STK10: variants seen among roughly 807,000 people sequenced by gnomAD.
STK10 encodes serine/threonine kinase 10.
Under a neutral mutation model 113.8 loss-of-function variants are expected in STK10, and 78 were observed. The ratio of observed to expected loss-of-function variants is 0.69; its 90% CI spans 0.57 to 0.83. The LOEUF (loss-of-function observed/expected upper bound fraction) is 0.83, where lower values mean the gene tolerates loss of function less well. Among genes scored for constraint, STK10 ranks in the 40% least tolerant of loss-of-function variants. STK10 has a pLI of 0.00. For missense variants in STK10, 1,109 were observed against 1,280.1 expected (o/e 0.87, Z 2.04); for synonymous variants, 465 against 494.7 (o/e 0.94, Z 0.80).
At chr5:172,139,940 T>C (rs951661794) in intron 2 of STK10, among the ~76,000 whole-genome samples, 3 of 123,542 alleles carry the variant, frequency 2.4e-5, no homozygotes, top group Non-Finnish European at 5.1e-5. Context: ...ACAAGTGGGA[T>C]ACATCAAACT....
In STK10 at chr5:172,078,253, G is replaced by A. The variant is rs779387715; in HGVS notation, c.1989+4073C>T. 1.8e-4 allele frequency among the ~76,000 whole-genome samples: 27 copies of A among 152,300 alleles called. 1 individual carries two copies. Among genetic ancestry groups the A allele is most frequent in the Non-Finnish European group, 2.5e-4 (17 of 68,022 alleles). ...AGCCTCTCACTGGCCTCCTGCCATC[G>A]CTGTGTTACATAAGTAAACTGCAGA... is the stretch of plus-strand genomic sequence containing the variant. On this transcript the variant is annotated intron_variant, in intron 12 of 18. Coordinates refer to ENST00000176763, the MANE Select transcript of STK10 (RefSeq NM_005990.4).
chr5:172,098,808 C>G (rs183094717), intron 7 of STK10, among the ~76,000 whole-genome samples: 1 of 152,144 alleles, frequency 6.6e-6, no homozygotes, highest in Non-Finnish European at 1.5e-5. Flanking sequence ...ATATTAGGAA[C>G]AGCTGTTATA....
chr5:172,076,326 G>A (rs866707016), intron 12 of STK10, among the ~76,000 whole-genome samples: 7 of 89,558 alleles, frequency 7.8e-5, no homozygotes, highest in South Asian at 3.8e-4. Flanking sequence ...CGTCCTGTGC[G>A]TTAGTTGTGG....
chr5:172,128,573 C>T (rs1004124942), intron 2 of STK10, among the ~76,000 whole-genome samples: 3 of 152,222 alleles, frequency 2.0e-5, no homozygotes, highest in African/African-American at 7.2e-5. Flanking sequence ...TCAGGTGATC[C>T]ACCCGCCCTG....
intron 1 of STK10, among the ~76,000 whole-genome samples, chr5:172,184,214 C>T (rs772834102): frequency 6.6e-6 from 1 of 152,034 alleles, no homozygotes; most frequent in African/African-American, 2.4e-5. Context: ...AGTAACCAGG[C>T]CAGGGAAAAC....
intron 5 of STK10, 94 bp from the exon 6 acceptor site, chr5:172,106,908 C>A: frequency 1.5e-6 from 2 of 1,332,142 alleles, no homozygotes; most frequent in South Asian, 2.8e-5. Flanking sequence ...GAGCCACTGT[C>A]GGGGTTGGCA....
At chr5:172,158,445 T>C (rs1770399232) in intron 1 of STK10, among the ~76,000 whole-genome samples, 1 of 152,100 alleles carries the variant, frequency 6.6e-6, no homozygotes, top group Non-Finnish European at 1.5e-5. Context: ...CTGGCCAACA[T>C]GGTGAAACCC....
intron 12 of STK10, among the ~76,000 whole-genome samples, chr5:172,070,304 A>G (rs946571466): frequency 6.6e-5 from 10 of 151,102 alleles, no homozygotes; most frequent in African/African-American, 2.4e-4. Flanking sequence ...ATTTGATTTG[A>G]TCATAATGAA....
chr5:172,066,324 AT>A (rs111386696), intron 12 of STK10, among the ~76,000 whole-genome samples: 4 of 150,122 alleles, frequency 2.7e-5, no homozygotes, highest in Non-Finnish European at 4.4e-5. Flanking sequence ...TAAGTTTCCT[AT>A]TTTTTTTTTC....
intron 18 of STK10, among the ~76,000 whole-genome samples, chr5:172,046,297 C>T (rs1767492554): frequency 6.7e-6 from 1 of 148,614 alleles, no homozygotes; most frequent in South Asian, 2.1e-4. Context: ...GTGGAAGTTG[C>T]AGTGAGCCGA....
intron 12 of STK10, among the ~76,000 whole-genome samples, chr5:172,080,251 CCT>C (rs1378271925): frequency 2.0e-5 from 3 of 152,284 alleles, no homozygotes; most frequent in East Asian, 1.9e-4. Flanking sequence ...TGGCCTTTCC[CCT>C]GTCTCTTCCC....
chr5:172,139,207 A>C (rs34312674), intron 2 of STK10, among the ~76,000 whole-genome samples: 6,408 of 152,264 alleles, frequency 0.042, 192 homozygotes, highest in Middle Eastern at 0.092. Flanking sequence ...ATATTATGGA[A>C]TCTCAAGGGA....
chr5:172,081,275 C>T (rs1348402713), intron 12 of STK10, among the ~76,000 whole-genome samples: 2 of 147,022 alleles, frequency 1.4e-5, no homozygotes, highest in East Asian at 2.1e-4. Flanking sequence ...CGCTTGAACT[C>T]GGGAGGCAGA....
In STK10 at chr5:172,052,955, G is replaced by A. The variant is rs754196711; in HGVS notation, c.2740C>T (p.Arg914Trp). 3.7e-6 allele frequency: 6 copies of A among 1,614,112 alleles called. No individual in the cohort carries two copies. The highest frequency in any genetic ancestry group is 1.3e-5 in the African/African-American group (1 of 75,042). Residue 914 changes from arginine (R) to tryptophan (W), a missense_variant, in exon 18 of 19, where the codon CGG becomes TGG. Arg to Trp is a moderately radical substitution (Grantham distance 101). Transcript: ENST00000176763. ...TTCTTGCGCGGCCGAAGCTTGTCCC[G>A]CCATTCCTTCAGGTTCTGGTTATGG... ...ESHNQNLKEWRDKLRPRKKAL... is the reference protein window; with the variant it reads ...ESHNQNLKEWWDKLRPRKKAL...
intron 1 of STK10, among the ~76,000 whole-genome samples, chr5:172,169,601 G>A (rs1294500752): frequency 6.6e-6 from 1 of 152,080 alleles, no homozygotes; most frequent in African/African-American, 2.4e-5. Flanking sequence ...GAGACTAGGT[G>A]GGTATGAGAG....
rs955653814 is a variant in STK10 at position 172,078,698 on chromosome 5, G to C, written c.1989+3628C>G. On this transcript the variant is annotated intron_variant, in intron 12 of 18. Coordinates refer to ENST00000176763, the MANE Select transcript of STK10 (RefSeq NM_005990.4). ...CTCTTTCTTTCCATGAAAACTTCTTGAAGAAAAACACCCATAGAAAAAGAT... is the reference window on the plus strand; with the variant it reads ...CTCTTTCTTTCCATGAAAACTTCTTCAAGAAAAACACCCATAGAAAAAGAT... 9.2e-5 allele frequency among the ~76,000 whole-genome samples: 13 copies of C among 141,408 alleles called. No homozygotes were observed. In the East Asian group the frequency reaches 3.0e-3, roughly 33 times the overall value. 92.8% of individuals were successfully genotyped at this position (141,408 alleles called of 152,430 possible).
In STK10 at chr5:172,064,867, C is replaced by T. The variant is rs375209643; in HGVS notation, c.1990-55G>A. 56 of 1,587,216 alleles carry T rather than the reference C, an allele frequency of 3.5e-5. No individual in the cohort carries two copies. The African/African-American group carries it at 7.0e-4, about 20-fold the overall frequency. ...GTCAGGGTCCTCTCCATGCTTCCTA[C>T]AGTATAATCTTCAACGCAGAACCCC... On this transcript the variant is annotated intron_variant, in intron 12 of 18. Transcript: ENST00000176763.
Position 172,188,103 on chromosome 5 carries a change from G to T in STK10, c.-61C>A. The T allele has an allele frequency of 6.4e-7, 1 of 1,571,240 alleles. No homozygotes were observed. The highest frequency in any genetic ancestry group is 1.2e-5 in the South Asian group (1 of 86,946). On this transcript the variant is annotated 5_prime_UTR_variant, in exon 1 of 19. Transcript: ENST00000176763. This position sits in a 1 kb window ranked among gnomAD's most constrained non-coding sequence, Gnocchi z 5.6. ...CTCGGGCTCGGGCTGTGGCTTCGGC[G>T]GCCGCGAGGAGAAGGAGGAGGAGTT...
At position 172,053,062 on chromosome 5, in the gene STK10, G is replaced by C. The variant is rs779612924; in HGVS notation, c.2653-20C>G. The C allele has an allele frequency of 2.5e-6, 4 of 1,607,174 alleles. No homozygotes were observed. The Admixed American group carries it at 5.0e-5, about 20-fold the overall frequency. ...TTCATTCTGGAACAGATTCCAGGCAGAACAGGTGAGAAATCAGAAGACGCA... is the reference window on the plus strand; with the variant it reads ...TTCATTCTGGAACAGATTCCAGGCACAACAGGTGAGAAATCAGAAGACGCA... On this transcript the variant is annotated intron_variant, in intron 17 of 18. Coordinates refer to ENST00000176763, the MANE Select transcript of STK10 (RefSeq NM_005990.4).
Sources: gnomAD v4.1 joint callset for allele counts (sites outside exome capture counted in the v4.1 genomes callset) on GRCh38, gnomAD v4.1.1 for gene constraint, Gnocchi (gnomAD v3.1) non-coding constraint, MANE v1.5 for transcripts, NCBI Gene and HGNC (gene_info 2026-07-23, HGNC 2026-07-21) for gene names.